Variants in CFAP36 observed in about 807,000 individuals in gnomAD.
The protein encoded by CFAP36 is cilia and flagella associated protein 36, also known as cilia- and flagella-associated protein 36.
Under a neutral mutation model 50.5 loss-of-function variants are expected in CFAP36, and 37 were observed. That is an observed-to-expected ratio of 0.73 (90% CI 0.56 to 0.96). The LOEUF (loss-of-function observed/expected upper bound fraction) is 0.96, where lower values mean the gene tolerates loss of function less well. CFAP36 is among the 50% of genes least tolerant of loss of function. The pLI is 0.00. For synonymous variants in CFAP36, 138 were observed against 128.2 expected (o/e 1.08, Z -0.52); for missense variants, 407 against 396.2 (o/e 1.03, Z -0.23).
intron 2 of CFAP36, 84 bp from the exon 3 acceptor site, chr2:55,523,637 C>A: frequency 1.2e-6 from 1 of 814,498 alleles, no homozygotes; most frequent in Non-Finnish European, 1.9e-6. Flanking sequence ...TTCGATGATA[C>A]TTTTCTAAAC....
At chr2:55,521,593 ATATG>A (rs1317910005) in intron 1 of CFAP36, among the ~76,000 whole-genome samples, 5 of 147,492 alleles carry the variant, frequency 3.4e-5, no homozygotes, top group African/African-American at 4.9e-5. Flanking sequence ...TTAATAGTAT[ATATG>A]TGTGTGTGTG....
chr2:55,520,061 T>A (rs1032735195), intron 1 of CFAP36, 145 bp downstream of exon 1: 1 of 702,052 alleles, frequency 1.4e-6, no homozygotes, highest in African/African-American at 1.8e-5. Flanking sequence ...CTCACCACCT[T>A]CTCCACCCGC....
At chr2:55,523,872 G>C (rs1684133394) in intron 3 of CFAP36, 50 bp downstream of exon 3, 1 of 1,155,710 alleles carries the variant, frequency 8.7e-7, no homozygotes, top group Non-Finnish European at 1.2e-6. Flanking sequence ...CAAATGCCCA[G>C]GGTTAAACAC....
intron 1 of CFAP36, among the ~76,000 whole-genome samples, 156 bp from the exon 2 acceptor site, chr2:55,521,946 A>T (rs1684079437): frequency 6.6e-6 from 1 of 152,104 alleles, no homozygotes. Flanking sequence ...ATATATTTTT[A>T]GATATATTCA....
intron 2 of CFAP36, among the ~76,000 whole-genome samples, chr2:55,523,480 T>C (rs1370313076): frequency 6.6e-6 from 1 of 152,146 alleles, no homozygotes; most frequent in Non-Finnish European, 1.5e-5. Context: ...TGTACCACAT[T>C]GAACTTCATA....
chr2:55,528,873 C>A lies in CFAP36; in HGVS notation c.283-5C>A, dbSNP rs1163939657. ...CTTCATTTCACTTGAGACTTCTTTC[C>A]ACAGGCCATTTTGCAACCTGTGTTG... On this transcript the variant is annotated splice_polypyrimidine_tract_variant and splice_region_variant and intron_variant, in intron 3 of 9. Transcript: ENST00000349456. 3.2e-6 allele frequency: 5 copies of A among 1,579,800 alleles called. No homozygotes were observed. In the South Asian group the frequency reaches 4.7e-5, roughly 15 times the overall value.
intron 2 of CFAP36, 74 bp from the exon 3 acceptor site, chr2:55,523,647 C>G (rs1684129153): frequency 1.1e-6 from 1 of 930,324 alleles, no homozygotes; most frequent in African/African-American, 1.7e-5. Context: ...CTTTTCTAAA[C>G]TAAATACTTA....
intron 3 of CFAP36, among the ~76,000 whole-genome samples, chr2:55,526,748 G>A (rs968582658): frequency 2.6e-5 from 4 of 152,098 alleles, no homozygotes; most frequent in Non-Finnish European, 5.9e-5. Context: ...TTGGCTGGGT[G>A]TGATAGCTCA....
Position 55,520,399 on chromosome 2 carries a change from C to G in CFAP36, c.115+483C>G, listed in dbSNP as rs531863679. The G allele has an allele frequency of 1.5e-5, 23 of 1,537,410 alleles. No individual in the cohort carries two copies. In the East Asian group the frequency reaches 5.7e-4, roughly 38 times the overall value. ...AATGAGAAATGATTTCACTCCAAAC[C>G]AACAGTTAACTGCAAAGGAGGGCAT... On this transcript the variant is annotated intron_variant, in intron 1 of 9. Transcript: ENST00000349456.
At chr2:55,520,377 G>A (rs919486607) in intron 1 of CFAP36, 30 of 1,521,410 alleles carry the variant, frequency 2.0e-5, no homozygotes, top group Non-Finnish European at 2.6e-5. Flanking sequence ...CTTAGGAAAT[G>A]AGAAATGATT....
Position 55,519,843 on chromosome 2 carries a change from G to A in CFAP36, c.42G>A (p.Glu14=), listed in dbSNP as rs766837635. ...AAGACGAGGTGGAGTGGGTAGTGGA[G>A]AGCATCGCGGGGTTCCTGCGAGGCC... ...EEEDEVEWVV[E]SIAGFLRGPD... Residue 14 remains glutamate (E), a synonymous_variant, in exon 1 of 10, where the codon GAG becomes GAA. Coordinates refer to ENST00000349456, the MANE Select transcript of CFAP36 (RefSeq NM_080667.7). 2.5e-6 allele frequency: 4 copies of A among 1,614,264 alleles called. No individual in the cohort carries two copies. The highest frequency in any genetic ancestry group is 1.7e-5 in the Admixed American group (1 of 60,030).
At position 55,519,797 on chromosome 2, in the gene CFAP36, G is replaced by T. The variant is rs200835926; in HGVS notation, c.-5G>T. On this transcript the variant is annotated 5_prime_UTR_variant, in exon 1 of 10. Coordinates refer to ENST00000349456, the MANE Select transcript of CFAP36 (RefSeq NM_080667.7). ...GGATCTTCCCCGTTGCCCCTTTGGG[G>T]CGGGATGGCTGCGGAAGAAGAAGAC... 1,833 of 1,614,232 alleles carry T rather than the reference G, an allele frequency of 1.1e-3. 8 individuals carry two copies. Among genetic ancestry groups the T allele is most frequent in the African/African-American group, 8.1e-3 (607 of 75,072 alleles).
At chr2:55,538,706 G>A in intron 7 of CFAP36, 5 of 1,426,462 alleles carry the variant, frequency 3.5e-6, no homozygotes, top group Admixed American at 2.3e-5. Context: ...GCCTCCCAAA[G>A]CACTAGGATT....
Position 55,544,389 on chromosome 2 carries a change from G to C in CFAP36, c.927+20G>C, listed in dbSNP as rs1684720623. The C allele has an allele frequency of 2.5e-6, 4 of 1,581,960 alleles. No homozygotes were observed. The highest frequency in any genetic ancestry group is 3.4e-6 in the Non-Finnish European group (4 of 1,169,524). ...GTAGAGGTATGGCTAGCCTTAATAT[G>C]TCAAGATTTACAAATCTGGTGGTGG... On this transcript the variant is annotated intron_variant, in intron 9 of 9. Coordinates refer to ENST00000349456, the MANE Select transcript of CFAP36 (RefSeq NM_080667.7).
intron 4 of CFAP36, among the ~76,000 whole-genome samples, chr2:55,533,158 G>A (rs930462556): frequency 2.6e-5 from 4 of 152,090 alleles, no homozygotes; most frequent in African/African-American, 9.7e-5. Flanking sequence ...ATTATATTTT[G>A]TTTTGTGACT....
chr2:55,526,123 C>G (rs1320293237), intron 3 of CFAP36, among the ~76,000 whole-genome samples: 1 of 152,236 alleles, frequency 6.6e-6, no homozygotes, highest in East Asian at 1.9e-4. Flanking sequence ...AGAATTCAAT[C>G]TACTTAACTA....
intron 7 of CFAP36, chr2:55,538,999 G>A (rs1014390232): frequency 8.0e-7 from 1 of 1,248,258 alleles, no homozygotes; most frequent in Non-Finnish European, 1.0e-6. Context: ...AAATTGAGCA[G>A]AAGGTACAGA....
intron 3 of CFAP36, among the ~76,000 whole-genome samples, chr2:55,525,446 G>T (rs372236885): frequency 2.6e-5 from 4 of 152,090 alleles, no homozygotes; most frequent in African/African-American, 9.6e-5. Context: ...AACAGATTAG[G>T]ACCCAACCCC....
At chr2:55,520,456 T>C (rs1684032311) in intron 1 of CFAP36, 1 of 1,548,272 alleles carries the variant, frequency 6.5e-7, no homozygotes, top group Non-Finnish European at 8.7e-7. Flanking sequence ...GAGCCGGTGA[T>C]TTTGGTGGCC....
Sources: allele counts gnomAD v4.1 joint callset (sites outside exome capture counted in the v4.1 genomes callset), GRCh38; gene constraint gnomAD v4.1.1; transcripts MANE v1.5; gene names NCBI Gene and HGNC (gene_info 2026-07-23, HGNC 2026-07-21).